EPB41L5: variants seen among roughly 807,000 people sequenced by gnomAD.
The protein encoded by EPB41L5 is band 4.1-like protein 5.
Under a neutral mutation model 106.6 loss-of-function variants are expected in EPB41L5, and 55 were observed. The observed-to-expected ratio is 0.52, with a 90% CI of 0.42 to 0.65. The LOEUF (loss-of-function observed/expected upper bound fraction) is 0.65. Ranked by LOEUF, EPB41L5 falls within the 30% of genes least tolerant of loss-of-function variation. EPB41L5 has a pLI of 0.00. For synonymous variants in EPB41L5, 297 were observed against 306.7 expected (o/e 0.97, Z 0.33); for missense variants, 871 against 882.1 (o/e 0.99, Z 0.16).
In EPB41L5 at chr2:120,178,306, C is replaced by T. The variant is rs1687987980; in HGVS notation, c.*3399C>T. 1 of 152,364 alleles carries T rather than the reference C, an allele frequency of 6.6e-6. No individual in the cohort carries two copies. The highest frequency in any genetic ancestry group is 1.5e-5 in the Non-Finnish European group (1 of 68,096). 9.4% of individuals were successfully genotyped at this position (152,364 alleles called of 1,614,324 possible). On this transcript the variant is annotated 3_prime_UTR_variant, in exon 25 of 25. Coordinates refer to ENST00000263713, the MANE Select transcript of EPB41L5 (RefSeq NM_020909.4). ...CTTGGAGGCAGCCAACACTTCTGGACATTGCATCCTTATTCACACATGTGG... is the reference window on the plus strand; with the variant it reads ...CTTGGAGGCAGCCAACACTTCTGGATATTGCATCCTTATTCACACATGTGG...
chr2:120,040,608 G>C (rs1479754106), intron 2 of EPB41L5, among the ~76,000 whole-genome samples: 1 of 152,160 alleles, frequency 6.6e-6, no homozygotes, highest in African/African-American at 2.4e-5. Flanking sequence ...AGATGCTGCA[G>C]GACATGTAAT....
At chr2:120,030,532 C>T (rs988498916) in intron 2 of EPB41L5, among the ~76,000 whole-genome samples, 6 of 152,136 alleles carry the variant, frequency 3.9e-5, no homozygotes, top group Non-Finnish European at 7.4e-5. Flanking sequence ...CCCCTCTTCC[C>T]AAGCCCCTAC....
At chr2:120,110,844 C>T (rs1453899265) in intron 16 of EPB41L5, among the ~76,000 whole-genome samples, 1 of 151,938 alleles carries the variant, frequency 6.6e-6, no homozygotes, top group East Asian at 1.9e-4. Flanking sequence ...CCATGTTGGC[C>T]AGGCTGGTCT....
intron 16 of EPB41L5, among the ~76,000 whole-genome samples, chr2:120,117,638 C>T (rs1014720934): frequency 2.0e-4 from 30 of 151,908 alleles, no homozygotes; most frequent in African/African-American, 6.5e-4. Flanking sequence ...GTGTTTTTTT[C>T]CTTAGAGCTT....
intron 3 of EPB41L5, among the ~76,000 whole-genome samples, chr2:120,053,058 T>C (rs1251366315): frequency 1.3e-5 from 2 of 152,202 alleles, no homozygotes; most frequent in Non-Finnish European, 2.9e-5. Flanking sequence ...ACAACCTAAT[T>C]ATTTCTGGAC....
chr2:120,117,384 G>A (rs1222224211), intron 16 of EPB41L5, among the ~76,000 whole-genome samples: 1 of 152,154 alleles, frequency 6.6e-6, no homozygotes, highest in Non-Finnish European at 1.5e-5. Flanking sequence ...GTATATAGTT[G>A]AAGTATTGCA....
chr2:120,104,279 A>G, intron 16 of EPB41L5: 1 of 1,518,296 alleles, frequency 6.6e-7, no homozygotes, highest in Non-Finnish European at 8.8e-7. Context: ...TTTGTCATGC[A>G]AGTTGATGGT....
intron 21 of EPB41L5, 26 bp from the exon 22 acceptor site, chr2:120,164,810 C>T (rs1687316747): frequency 6.4e-7 from 1 of 1,555,558 alleles, no homozygotes; most frequent in Admixed American, 1.9e-5. Context: ...GGTCATTTAA[C>T]AATTCTAGAT....
In EPB41L5 at chr2:120,178,606, C is replaced by G. The variant is rs1687997066; in HGVS notation, c.*3699C>G. On this transcript the variant is annotated 3_prime_UTR_variant, in exon 25 of 25. Coordinates refer to ENST00000263713, the MANE Select transcript of EPB41L5 (RefSeq NM_020909.4). ...TCTCAAAAATTTAAACACTGTACCT[C>G]TTCAGTGGTCAGAAGAAAGTTGGAA... is the stretch of plus-strand genomic sequence containing the variant. 6.6e-6 allele frequency: 1 copy of G among 152,252 alleles called. No homozygotes were observed. The highest frequency in any genetic ancestry group is 2.4e-5 in the African/African-American group (1 of 41,468). 9.4% of individuals were successfully genotyped at this position (152,252 alleles called of 1,614,324 possible).
At chr2:120,018,106 G>A (rs1042453257) in intron 1 of EPB41L5, among the ~76,000 whole-genome samples, 1 of 151,830 alleles carries the variant, frequency 6.6e-6, no homozygotes, top group Non-Finnish European at 1.5e-5. Context: ...GACTACAGGC[G>A]CCTGCTACCA....
intron 10 of EPB41L5, among the ~76,000 whole-genome samples, chr2:120,083,200 G>T (rs1369511114): frequency 7.2e-5 from 11 of 152,150 alleles, no homozygotes; most frequent in African/African-American, 2.7e-4. Flanking sequence ...TGATGTTAGG[G>T]TGTCAGTTTT....
At chr2:120,033,628 A>G (rs973076050) in intron 2 of EPB41L5, among the ~76,000 whole-genome samples, 3 of 146,402 alleles carry the variant, frequency 2.0e-5, no homozygotes, top group Admixed American at 7.0e-5. Context: ...AATTGCTTGA[A>G]CCTGGGGAGG....
At chr2:120,152,456 T>A (rs1686723334) in intron 20 of EPB41L5, among the ~76,000 whole-genome samples, 1 of 152,192 alleles carries the variant, frequency 6.6e-6, no homozygotes, top group Non-Finnish European at 1.5e-5. Flanking sequence ...TCAGGGATAT[T>A]GGTCTGTAGG....
chr2:120,105,114 C>T (rs1301064838), intron 16 of EPB41L5: 5 of 978,524 alleles, frequency 5.1e-6, no homozygotes, highest in African/African-American at 1.8e-5. Flanking sequence ...AAGCCAAAAC[C>T]ATATGATTTT....
At chr2:120,041,908 T>A (rs907958871) in intron 2 of EPB41L5, 98 bp from the exon 3 acceptor site, 2 of 803,098 alleles carry the variant, frequency 2.5e-6, no homozygotes, top group Non-Finnish European at 3.9e-6. Flanking sequence ...CAAGTCCTCC[T>A]TTCTTCAAGA....
At chr2:120,080,964 T>C (rs1422445300) in intron 10 of EPB41L5, among the ~76,000 whole-genome samples, 1 of 152,188 alleles carries the variant, frequency 6.6e-6, no homozygotes, top group African/African-American at 2.4e-5. Flanking sequence ...GTTTGTTTTT[T>C]TTTCTTGTAA....
At chr2:120,161,790 G>T (rs1687149856) in intron 21 of EPB41L5, among the ~76,000 whole-genome samples, 1 of 152,106 alleles carries the variant, frequency 6.6e-6, no homozygotes. Flanking sequence ...GATTCTCATA[G>T]GAGTGCAAAC....
intron 18 of EPB41L5, among the ~76,000 whole-genome samples, chr2:120,139,762 C>T (rs1283369039): frequency 2.0e-5 from 3 of 151,792 alleles, no homozygotes; most frequent in Non-Finnish European, 4.4e-5. Flanking sequence ...TACAGAGTGC[C>T]TCAAAAACCC....
intron 20 of EPB41L5, among the ~76,000 whole-genome samples, chr2:120,151,169 G>T (rs887286323): frequency 6.6e-6 from 1 of 151,964 alleles, no homozygotes; most frequent in Non-Finnish European, 1.5e-5. Flanking sequence ...AAAATTAGCC[G>T]GGTGCCTGTA....
Sources: gnomAD v4.1 joint callset for allele counts (sites outside exome capture counted in the v4.1 genomes callset) on GRCh38, gnomAD v4.1.1 for gene constraint, MANE v1.5 for transcripts, NCBI Gene and HGNC (gene_info 2026-07-23, HGNC 2026-07-21) for gene names.